The following CMIP variants were observed in gnomAD, a reference collection of about 807,000 sequenced individuals.
CMIP encodes C-Maf-inducing protein.
CMIP carries 13 observed loss-of-function variants against 97.3 expected under a neutral mutation model. The ratio of observed to expected loss-of-function variants is 0.13; its 90% CI spans 0.09 to 0.21. CMIP has a LOEUF of 0.21. Among genes scored for constraint, CMIP ranks in the 10% least tolerant of loss-of-function variants. The pLI, the probability that CMIP is intolerant of heterozygous loss-of-function variation, is 1.00. For synonymous variants in CMIP, 538 were observed against 436.3 expected (o/e 1.23, Z -2.91); for missense variants, 847 against 1,024.9 (o/e 0.83, Z 2.37).
At chr16:81,498,842 C>T (rs947290394) in intron 1 of CMIP, among the ~76,000 whole-genome samples, 1 of 152,196 alleles carries the variant, frequency 6.6e-6, no homozygotes, top group African/African-American at 2.4e-5. Flanking sequence ...CACACAGTCC[C>T]AGTTAGTTTA....
At chr16:81,593,578 A>T (rs989090069) in intron 1 of CMIP, among the ~76,000 whole-genome samples, 1 of 152,200 alleles carries the variant, frequency 6.6e-6, no homozygotes, top group African/African-American at 2.4e-5. Flanking sequence ...ATGATGGAGG[A>T]GCTTGGCAAG....
At chr16:81,688,543 A>G (rs1264948771) in intron 10 of CMIP, among the ~76,000 whole-genome samples, 1 of 152,214 alleles carries the variant, frequency 6.6e-6, no homozygotes, top group Non-Finnish European at 1.5e-5. Context: ...GTGCTCTTGT[A>G]AAGAGTAAAT....
At chr16:81,481,351 T>A (rs757196594) in intron 1 of CMIP, among the ~76,000 whole-genome samples, 2 of 152,056 alleles carry the variant, frequency 1.3e-5, no homozygotes, top group Non-Finnish European at 2.9e-5. Flanking sequence ...GGTGAGGGCC[T>A]TGAGCGACTG....
chr16:81,709,863 G>C lies in CMIP; in HGVS notation c.*64G>C, dbSNP rs984640333. ...ACAAAATAACTCTTGACTAACAGCC[G>C]CAGAGCAGCCGGTCCTGGGGTCCCA... is the stretch of plus-strand genomic sequence containing the variant. On this transcript the variant is annotated 3_prime_UTR_variant, in exon 21 of 21. Coordinates refer to ENST00000537098, the MANE Select transcript of CMIP (RefSeq NM_198390.3). 2 of 1,447,806 alleles carry C rather than the reference G, an allele frequency of 1.4e-6. No homozygotes were observed. The highest frequency in any genetic ancestry group is 6.4e-5 in the East Asian group (2 of 31,090). 89.7% of individuals were successfully genotyped at this position (1,447,806 alleles called of 1,614,324 possible).
chr16:81,536,343 G>C (rs2150831338), intron 1 of CMIP, among the ~76,000 whole-genome samples: 1 of 152,190 alleles, frequency 6.6e-6, no homozygotes, highest in East Asian at 1.9e-4. Context: ...GTGTGCCCTG[G>C]ATGGACCCAG....
intron 1 of CMIP, among the ~76,000 whole-genome samples, chr16:81,470,789 A>G (rs2150746141): frequency 6.6e-6 from 1 of 152,384 alleles, no homozygotes; most frequent in African/African-American, 2.4e-5. Context: ...GAAAATGATT[A>G]AATATTGGTT....
At chr16:81,446,967 G>T (rs1232737337) in intron 1 of CMIP, among the ~76,000 whole-genome samples, 1 of 151,950 alleles carries the variant, frequency 6.6e-6, no homozygotes, top group African/African-American at 2.4e-5. Context: ...TATCTGCAAA[G>T]ACTCCTTTTT....
chr16:81,476,030 A>C lies in CMIP; in HGVS notation c.300+30489A>C, dbSNP rs373136531. 1.3e-4 allele frequency: 86 copies of C among 682,610 alleles called. No individual in the cohort carries two copies. The African/African-American group carries it at 1.4e-3, about 11-fold the overall frequency. 42.3% of individuals were successfully genotyped at this position (682,610 alleles called of 1,614,324 possible). ...TAAAACATAAGTCAAACTTTATTCAAGTTGTCCACAGTTAGCAATAGTGAT... is the reference window on the plus strand; with the variant it reads ...TAAAACATAAGTCAAACTTTATTCACGTTGTCCACAGTTAGCAATAGTGAT... On this transcript the variant is annotated intron_variant, in intron 1 of 20. Coordinates refer to ENST00000537098, the MANE Select transcript of CMIP (RefSeq NM_198390.3).
At chr16:81,530,851 A>T (rs1376324323) in intron 1 of CMIP, among the ~76,000 whole-genome samples, 1 of 152,176 alleles carries the variant, frequency 6.6e-6, no homozygotes, top group Non-Finnish European at 1.5e-5. Flanking sequence ...CTTCTTCTGC[A>T]TAAAAAAGAA....
intron 1 of CMIP, among the ~76,000 whole-genome samples, chr16:81,452,885 G>GTTTTTTTTTTTTTTTTTTTTTTTTTTTTT (rs558606255): frequency 2.3e-5 from 3 of 129,242 alleles, no homozygotes; most frequent in Admixed American, 7.9e-5. Context: ...TTTTTGTTTT[G>GTTTTTTTTTTTTTTTTTTTTTTTTTTTTT]TTTTTTTTTT....
At chr16:81,505,756 C>A (rs1362289852) in intron 1 of CMIP, among the ~76,000 whole-genome samples, 1 of 152,082 alleles carries the variant, frequency 6.6e-6, no homozygotes, top group African/African-American at 2.4e-5. Flanking sequence ...TTTGGGAGGC[C>A]AAGGCAGGTG....
At position 81,696,412 on chromosome 16, in the gene CMIP, G is replaced by C. The variant is rs1597263351; in HGVS notation, c.1531-148G>C. 61 of 751,746 alleles carry C rather than the reference G, an allele frequency of 8.1e-5. 2 individuals are homozygous for C. In the South Asian group the frequency reaches 1.0e-3, roughly 13 times the overall value. The allele number at this position is 751,746 out of a possible 1,614,324, so 46.6% of individuals were successfully genotyped here. A position where few individuals can be genotyped will look rare whatever the true frequency, so the allele number is the denominator to read the frequency against. The stretch of plus-strand genomic sequence containing the variant: ...GACCTTTCATGGCATTTGGTGGAAG[G>C]CTGGGGGTTGCTGGAGGAAACAAAG... On this transcript the variant is annotated intron_variant, in intron 13 of 20. Coordinates refer to ENST00000537098, the MANE Select transcript of CMIP (RefSeq NM_198390.3).
At chr16:81,508,903 G>C (rs1044308465) in intron 1 of CMIP, among the ~76,000 whole-genome samples, 1 of 152,214 alleles carries the variant, frequency 6.6e-6, no homozygotes, top group African/African-American at 2.4e-5. Context: ...AGGAGAGCAA[G>C]TGTCATGTCT....
At chr16:81,494,889 C>T (rs1187990631) in intron 1 of CMIP, among the ~76,000 whole-genome samples, 1 of 152,218 alleles carries the variant, frequency 6.6e-6, no homozygotes. Flanking sequence ...TCTCATTCAG[C>T]CTGCCAAGGA....
chr16:81,696,747 C>A, intron 14 of CMIP, 80 bp downstream of exon 14: 2 of 1,346,966 alleles, frequency 1.5e-6, no homozygotes, highest in East Asian at 2.4e-5. Context: ...AGCCGTCCCC[C>A]ATCCCCTGGG....
At chr16:81,666,282 G>A (rs1229119813) in intron 7 of CMIP, 1 of 152,184 alleles carries the variant, frequency 6.6e-6, no homozygotes, top group Non-Finnish European at 1.5e-5. Flanking sequence ...ACCTTAACTT[G>A]TCAATGGCAG....
At chr16:81,534,996 G>C (rs1008723965) in intron 1 of CMIP, among the ~76,000 whole-genome samples, 1 of 152,154 alleles carries the variant, frequency 6.6e-6, no homozygotes, top group Admixed American at 6.5e-5. Flanking sequence ...TGTCTCCCAG[G>C]CTGGAGTGCA....
chr16:81,560,144 C>CT (rs1338418270), intron 1 of CMIP, among the ~76,000 whole-genome samples: 2 of 45,524 alleles, frequency 4.4e-5, no homozygotes, highest in African/African-American at 6.6e-5. Flanking sequence ...GAGACTCTGT[C>CT]TTAAAAAAAA....
chr16:81,541,232 G>T (rs1241226185), intron 1 of CMIP, among the ~76,000 whole-genome samples: 1 of 152,022 alleles, frequency 6.6e-6, no homozygotes, highest in East Asian at 1.9e-4. Context: ...CATTCAAACA[G>T]ATGGTTCTAT....
Sources: gnomAD v4.1 joint callset for allele counts (sites outside exome capture counted in the v4.1 genomes callset) on GRCh38, gnomAD v4.1.1 for gene constraint, MANE v1.5 for transcripts, NCBI Gene and HGNC (gene_info 2026-07-23, HGNC 2026-07-21) for gene names.